The following GCN1 variants were observed in gnomAD, a reference collection of about 807,000 sequenced individuals.
GCN1 encodes stalled ribosome sensor GCN1.
A neutral mutation model predicts 288.4 loss-of-function variants in GCN1; 90 were observed. That is an observed-to-expected ratio of 0.31 (90% confidence interval 0.26 to 0.37). The LOEUF (loss-of-function observed/expected upper bound fraction) is 0.37. GCN1 is among the 10% of genes least tolerant of loss of function. GCN1 has a pLI of 1.00. For missense variants in GCN1, 2,586 were observed against 3,419.9 expected, an observed-to-expected ratio of 0.76 and a Z score of 6.08; for synonymous variants, 1,386 against 1,420.2, an observed-to-expected ratio of 0.98 and a Z score of 0.54.
chr12:120,146,912 A>G, intron 38 of GCN1, 140 bp downstream of exon 38: 1 of 495,314 alleles, frequency 2.0e-6, no homozygotes, highest in Non-Finnish European at 3.5e-6. Flanking sequence ...TCCACCACAA[A>G]ATGGCTCATT....
At chr12:120,136,431 T>G in intron 51 of GCN1, 71 bp downstream of exon 51, 5 of 1,175,196 alleles carry the variant, frequency 4.3e-6, no homozygotes, top group Non-Finnish European at 6.3e-6. Flanking sequence ...TGCTGCTACA[T>G]GACACCTTGT....
intron 11 of GCN1, 70 bp downstream of exon 11, chr12:120,175,676 C>T (rs1594284606): frequency 6.7e-7 from 1 of 1,502,188 alleles, no homozygotes; most frequent in Middle Eastern, 1.8e-4. Flanking sequence ...AAGTCCCCTT[C>T]AGATCCCAGT....
In GCN1 at chr12:120,189,221, C is replaced by T. The variant is rs1229859904; in HGVS notation, c.121+1077G>A. Among the ~76,000 whole-genome samples, 7 of 151,922 alleles carry T rather than the reference C, an allele frequency of 4.6e-5. No individual in the cohort carries two copies. The East Asian group carries it at 7.8e-4, about 17-fold the overall frequency. ...CTGAGTAGCTAGGATTACAGGCGTG[C>T]GTCACCATGCTCAGCTAATTTTTGT... On this transcript the variant is annotated intron_variant, in intron 2 of 57. Transcript: ENST00000300648.
chr12:120,144,828 A>G lies in GCN1; in HGVS notation c.5163T>C (p.Ala1721=), dbSNP rs1303602120. 3.1e-6 allele frequency: 5 copies of G among 1,614,182 alleles called. No individual in the cohort carries two copies. Among genetic ancestry groups the G allele is most frequent in the Non-Finnish European group, 3.4e-6 (4 of 1,180,004 alleles). The change falls in exon 41 of 58, where the codon GCT becomes GCC. Residue 1721 remains alanine (A), a synonymous_variant. Transcript: ENST00000300648. The surrounding 1 kb of genome is among the most constrained non-coding windows in gnomAD (Gnocchi z 4.7). ...VDRSGAAQGL[A]EVMAGLGVEK... is the part of the protein sequence containing the mutation. ...CCACCCCCAAACCGGCCATGACCTC[A>G]GCCAACCCTGCAACAAAGGACAGAA...
chr12:120,131,948 G>A lies in GCN1; in HGVS notation c.7392C>T (p.Ala2464=), dbSNP rs757222671. 1.6e-5 allele frequency: 25 copies of A among 1,603,552 alleles called. No homozygotes were observed. The highest frequency in any genetic ancestry group is 8.0e-5 in the African/African-American group (6 of 74,804). The stretch of plus-strand genomic sequence containing the variant: ...TACCCAGCAAGCACTGCTGTAGAAC[G>A]GCACTAAGCTCCTCTTCAGTCAAAA... ...CAFLTEEELS[A]VLQQCLLADV... Residue 2464 remains alanine (A), a synonymous_variant, in exon 54 of 58, where the codon GCC becomes GCT. Transcript: ENST00000300648.
intron 18 of GCN1, 83 bp from the exon 19 acceptor site, chr12:120,163,342 C>A (rs1441826645): frequency 7.3e-6 from 8 of 1,099,684 alleles, no homozygotes; most frequent in African/African-American, 1.5e-5. Flanking sequence ...ACGGACACAG[C>A]GGCCCCTCAC....
At position 120,134,202 on chromosome 12, in the gene GCN1, G is replaced by A; in HGVS notation, c.7317+89C>T. On this transcript the variant is annotated intron_variant, in intron 53 of 57. Transcript: ENST00000300648. The surrounding 1 kb of genome is among the most constrained non-coding windows in gnomAD (Gnocchi z 5.0). ...ATGCTTATTACTACTGAGCTGTACT[G>A]GTTCTAACACAAAGTGAAGAACTCA... The A allele has an allele frequency of 2.5e-6, 2 of 815,000 alleles. No individual in the cohort carries two copies. The highest frequency in any genetic ancestry group is 4.9e-5 in the East Asian group (2 of 40,778). The allele number at this position is 815,000 out of a possible 1,614,324, so 50.5% of individuals were successfully genotyped here.
chr12:120,145,004 A>T lies in GCN1; in HGVS notation c.5074T>A (p.Cys1692Ser), dbSNP rs1877318954. Reference sequence around the variant, plus strand: ...AGCCACGGCAGCAAGTCCTCAAAGCACGACTCCCCCATGCCCTTCACCATG... The same window carrying T: ...AGCCACGGCAGCAAGTCCTCAAAGCTCGACTCCCCCATGCCCTTCACCATG... Reference protein sequence around the residue: ...GAMVKGMGESCFEDLLPWLME... With the variant: ...GAMVKGMGESSFEDLLPWLME... The change falls in exon 40 of 58, where the codon TGC becomes AGC. Residue 1692 changes from cysteine (C) to serine (S), a missense_variant. This residue lies in a region of GCN1 where 371 missense variants were observed against 572.6 expected (regional missense o/e 0.65). Coordinates refer to ENST00000300648, the MANE Select transcript of GCN1 (RefSeq NM_006836.2). The T allele has an allele frequency of 1.9e-6, 3 of 1,613,922 alleles. No homozygotes were observed. The African/African-American group carries it at 4.0e-5, about 22-fold the overall frequency.
intron 45 of GCN1, among the ~76,000 whole-genome samples, chr12:120,140,568 A>C (rs1877155457): frequency 6.6e-6 from 1 of 152,174 alleles, no homozygotes; most frequent in Non-Finnish European, 1.5e-5. Flanking sequence ...AAAGAGACTG[A>C]TCCTGAGCAA....
intron 26 of GCN1, chr12:120,157,240 C>A: frequency 9.0e-6 from 4 of 444,458 alleles, no homozygotes; most frequent in Non-Finnish European, 1.6e-5. Flanking sequence ...CCAGAAAGAC[C>A]GTAAATATAT....
rs746598316 is a variant in GCN1 at position 120,129,439 on chromosome 12, C to T, written c.7727G>A (p.Trp2576Ter). 1 of 1,614,076 alleles carries T rather than the reference C, an allele frequency of 6.2e-7. No homozygotes were observed. The highest frequency in any genetic ancestry group is 8.5e-7 in the Non-Finnish European group (1 of 1,179,960). ...IRLVAEKMIW[W>*]ANKDPLPPLD... ...GGGAGGCAGTGGGTCCTTATTTGCC[C>T]ACCAGATCATCTTCTCAGCCACCAG... Residue 2576 changes from tryptophan (W) to a stop codon, truncating the protein, a stop_gained, in exon 57 of 58, where the codon TGG becomes TAG. Transcript: ENST00000300648. LOFTEE classifies it high-confidence loss of function.
chr12:120,170,580 G>C (rs1319662860), intron 14 of GCN1, among the ~76,000 whole-genome samples: 1 of 152,080 alleles, frequency 6.6e-6, no homozygotes, highest in Non-Finnish European at 1.5e-5. Flanking sequence ...AGGCCGAGGC[G>C]GGTGGATCAC....
chr12:120,131,892 A>T, intron 54 of GCN1, 34 bp downstream of exon 54: 1 of 1,366,832 alleles, frequency 7.3e-7, no homozygotes, highest in Non-Finnish European at 1.0e-6. Context: ...TGAGAGGCCC[A>T]GGTCCCTGAA....
chr12:120,169,450 G>A (rs1878248469), intron 15 of GCN1, among the ~76,000 whole-genome samples: 1 of 150,780 alleles, frequency 6.6e-6, no homozygotes, highest in Non-Finnish European at 1.5e-5. Context: ...TATAGCGTAT[G>A]TTCCCCAGCA....
intron 14 of GCN1, 28 bp from the exon 15 acceptor site, chr12:120,170,349 G>A (rs1878278165): frequency 6.2e-7 from 1 of 1,610,296 alleles, no homozygotes; most frequent in Middle Eastern, 1.7e-4. Flanking sequence ...GCACCTTAAA[G>A]GACATCCTGA....
Position 120,155,785 on chromosome 12 carries a change from C to T in GCN1, c.3313-66G>A. The T allele has an allele frequency of 1.5e-5, 23 of 1,542,382 alleles. No homozygotes were observed. The highest frequency in any genetic ancestry group is 2.1e-5 in the Non-Finnish European group (23 of 1,118,994). Reference sequence around the variant, plus strand: ...CAGAAGAGCCTCTGACCTGCCTCCTCACCTCTCTCTAGGTTGTACTGTCCA... The same window carrying T: ...CAGAAGAGCCTCTGACCTGCCTCCTTACCTCTCTCTAGGTTGTACTGTCCA... On this transcript the variant is annotated intron_variant, in intron 28 of 57. Coordinates refer to ENST00000300648, the MANE Select transcript of GCN1 (RefSeq NM_006836.2). This position sits in a 1 kb window ranked among gnomAD's most constrained non-coding sequence, Gnocchi z 4.9.
Position 120,127,839 on chromosome 12 carries a change from C to T in GCN1, c.*10G>A, listed in dbSNP as rs753158883. 1.4e-5 allele frequency: 23 copies of T among 1,612,336 alleles called. No individual in the cohort carries two copies. Among genetic ancestry groups the T allele is most frequent in the Non-Finnish European group, 1.8e-5 (21 of 1,178,676 alleles). ...TGTGGAGCGGCAATGCTGCTGCTGG[C>T]CCAGGCCTCTCATGTCAGGATGGTG... On this transcript the variant is annotated 3_prime_UTR_variant, in exon 58 of 58. Transcript: ENST00000300648.
At chr12:120,157,039 T>G (rs1958868837) in intron 26 of GCN1, 47 bp from the exon 27 acceptor site, 1 of 1,358,472 alleles carries the variant, frequency 7.4e-7, no homozygotes, top group South Asian at 1.2e-5. Context: ...TGGGGAGGTC[T>G]GTAACCCAGG....
intron 38 of GCN1, among the ~76,000 whole-genome samples, chr12:120,146,130 G>A (rs1384696874): frequency 6.6e-6 from 1 of 151,858 alleles, no homozygotes; most frequent in Non-Finnish European, 1.5e-5. Flanking sequence ...AGCCAGGCAT[G>A]GTGGTGGGCG....
Sources: gnomAD v4.1 joint callset for allele counts (sites outside exome capture counted in the v4.1 genomes callset) on GRCh38, gnomAD v4.1.1 for gene constraint, gnomAD v4.1.1 regional missense constraint, Gnocchi (gnomAD v3.1) non-coding constraint, MANE v1.5 for transcripts, NCBI Gene and HGNC (gene_info 2026-07-23, HGNC 2026-07-21) for gene names.